Variants in DNAH5 observed in about 807,000 individuals in gnomAD.
DNAH5 encodes the protein dynein axonemal heavy chain 5, also known as axonemal beta dynein heavy chain 5.
A neutral mutation model predicts 518.2 loss-of-function variants in DNAH5; 372 were observed. The observed-to-expected ratio is 0.72, with a 90% CI of 0.66 to 0.78. The LOEUF (loss-of-function observed/expected upper bound fraction) is 0.78, where lower values mean the gene tolerates loss of function less well. Ranked by LOEUF, DNAH5 falls within the 30% of genes least tolerant of loss-of-function variation. The pLI, the probability that DNAH5 is intolerant of heterozygous loss-of-function variation, is 0.00. For missense variants in DNAH5, 5,523 were observed against 5,687.0 expected (o/e 0.97, Z 0.93); for synonymous variants, 2,039 against 2,025.9 (o/e 1.01, Z -0.17).
In DNAH5 at chr5:13,735,891, T is replaced by A. The variant is rs751208663; in HGVS notation, c.11497A>T (p.Met3833Leu). 5 of 1,614,114 alleles carry A rather than the reference T, an allele frequency of 3.1e-6. No individual in the cohort carries two copies. In the Admixed American group the frequency reaches 5.0e-5, roughly 16 times the overall value. The change falls in exon 67 of 79, where the codon ATG (methionine) becomes TTG (leucine). Residue 3833 changes from methionine (M) to leucine (L), a missense_variant. Around this residue, in one of 3 missense-constraint regions of DNAH5, gnomAD observed 5,121 missense variants for 5,223.3 expected, o/e 0.98. Coordinates refer to ENST00000265104, the MANE Select transcript of DNAH5 (RefSeq NM_001369.3). ...GSILYFLITE[M>L]RLVNEMYQTS... is the part of the protein sequence containing the mutation. ...TGATACATCTCATTAACCAAGCGCA[T>A]CTCAGTAATGAGGAAGTAGAGGATG...
chr5:13,792,194 A>T lies in DNAH5; in HGVS notation c.8248T>A (p.Cys2750Ser). The T allele has an allele frequency of 6.2e-7, 1 of 1,614,076 alleles. No homozygotes were observed. Among genetic ancestry groups the T allele is most frequent in the Non-Finnish European group, 8.5e-7 (1 of 1,179,938 alleles). ...TCTTCTGAGAAACCCCTCTGAGTAC[A>T]GTAGTGGCCTACCCCAATCACACCT... ...IFGVIGVGHY[C>S]TQRGFSEEVR... Residue 2750 changes from cysteine to serine, a missense_variant, in exon 50 of 79, where the codon TGT becomes AGT. Physicochemically the swap from Cys to Ser is moderately radical, Grantham distance 112 (BLOSUM62 -1). Coordinates refer to ENST00000265104, the MANE Select transcript of DNAH5 (RefSeq NM_001369.3).
At chr5:13,941,547 G>T (rs1180839576) in intron 1 of DNAH5, among the ~76,000 whole-genome samples, 1 of 152,316 alleles carries the variant, frequency 6.6e-6, no homozygotes, top group African/African-American at 2.4e-5. Flanking sequence ...GCCAGAGAAT[G>T]AGAAAACTGA....
In DNAH5 at chr5:13,902,010, C is replaced by T. The variant is rs200544414; in HGVS notation, c.1730+43G>A. On this transcript the variant is annotated intron_variant, in intron 13 of 78. Transcript: ENST00000265104. ...AGGAATAACAACAATAAAAGCTAAACTATCCCAATTTTAGAAAATAGACAA... is the reference window on the plus strand; with the variant it reads ...AGGAATAACAACAATAAAAGCTAAATTATCCCAATTTTAGAAAATAGACAA... 2.0e-5 allele frequency: 26 copies of T among 1,331,318 alleles called. No individual in the cohort carries two copies. The East Asian group carries it at 6.4e-4, about 33-fold the overall frequency. The allele number at this position is 1,331,318 out of a possible 1,614,324, so 82.5% of individuals were successfully genotyped here. A position where few individuals can be genotyped will look rare whatever the true frequency, so the allele number is the denominator to read the frequency against.
intron 65 of DNAH5, among the ~76,000 whole-genome samples, chr5:13,748,607 T>C (rs1183213408): frequency 6.6e-6 from 1 of 152,188 alleles, no homozygotes; most frequent in Non-Finnish European, 1.5e-5. Context: ...CCCTTGTAAG[T>C]TGGATTCCCA....
intron 23 of DNAH5, among the ~76,000 whole-genome samples, chr5:13,871,297 G>T (rs2151919698): frequency 6.6e-6 from 1 of 151,772 alleles, no homozygotes; most frequent in African/African-American, 2.4e-5. Context: ...TTAAACAAAG[G>T]GTAAATTTTA....
intron 1 of DNAH5, among the ~76,000 whole-genome samples, chr5:13,967,695 A>G (rs1338703426): frequency 2.0e-5 from 3 of 152,018 alleles, no homozygotes; most frequent in African/African-American, 7.2e-5. Context: ...TTGGTTCTAT[A>G]TGAATTTTAC....
chr5:13,773,462 G>A (rs1375612616), intron 55 of DNAH5, among the ~76,000 whole-genome samples: 1 of 152,126 alleles, frequency 6.6e-6, no homozygotes, highest in African/African-American at 2.4e-5. Flanking sequence ...AGAGGGAAAA[G>A]AGGTATATCC....
chr5:13,692,061 C>A lies in DNAH5; in HGVS notation c.13798G>T (p.Ala4600Ser), dbSNP rs774279588. 5 of 1,614,038 alleles carry A rather than the reference C, an allele frequency of 3.1e-6. No homozygotes were observed. The African/African-American group carries it at 4.0e-5, about 13-fold the overall frequency. Residue 4600 changes from alanine (A) to serine (S), a missense_variant, in exon 79 of 79, where the codon GCT (alanine) becomes TCT (serine). Physicochemically the swap from Ala to Ser is moderately conservative, Grantham distance 99. This residue lies in a region of DNAH5 where 387 missense variants were observed against 430.0 expected (regional missense o/e 0.90). Coordinates refer to ENST00000265104, the MANE Select transcript of DNAH5 (RefSeq NM_001369.3). ...PVRTDLNYIA[A>S]VDLRTAQTPE... The stretch of plus-strand genomic sequence containing the variant: ...GTCTGGGCTGTCCTGAGATCCACAG[C>A]GGCAATGTAGTTCAAGTCCGTTCGA...
At chr5:13,880,190 T>C (rs559282937) in intron 21 of DNAH5, among the ~76,000 whole-genome samples, 14 of 152,310 alleles carry the variant, frequency 9.2e-5, no homozygotes, top group African/African-American at 2.4e-4. Context: ...AAGAATACTA[T>C]ATCAAGCAAT....
intron 1 of DNAH5, among the ~76,000 whole-genome samples, chr5:13,965,957 C>T (rs1781494247): frequency 6.6e-6 from 1 of 152,090 alleles, no homozygotes; most frequent in Non-Finnish European, 1.5e-5. Flanking sequence ...TTGGTGCACC[C>T]ATCACCTGAA....
chr5:13,790,528 G>A (rs1756802022), intron 50 of DNAH5, among the ~76,000 whole-genome samples: 1 of 152,140 alleles, frequency 6.6e-6, no homozygotes, highest in Non-Finnish European at 1.5e-5. Flanking sequence ...ACATGTCAAG[G>A]GAGAGACCAC....
rs1170960857 is a variant in DNAH5 at position 13,793,701 on chromosome 5, T to C, written c.8038A>G (p.Met2680Val). 4.3e-6 allele frequency: 7 copies of C among 1,614,152 alleles called. No homozygotes were observed. The highest frequency in any genetic ancestry group is 5.9e-6 in the Non-Finnish European group (7 of 1,180,034). The change falls in exon 49 of 79, where the codon ATG becomes GTG. Residue 2680 changes from methionine to valine, a missense_variant. By Grantham distance (21) the Met-to-Val change is conservative. This residue lies in a region of DNAH5 where 5,121 missense variants were observed against 5,223.3 expected (regional missense o/e 0.98). Transcript: ENST00000265104. ...QVTNEIVRQL[M>V]EQNGFYNLEK... ...AGATTATAGAATCCATTTTGTTCCA[T>C]CAGCTGTCGCACTATCTCATTCGTA... is the stretch of plus-strand genomic sequence containing the variant.
chr5:13,990,623 T>C (rs1160904228), intron 1 of DNAH5, among the ~76,000 whole-genome samples: 1 of 151,982 alleles, frequency 6.6e-6, no homozygotes, highest in East Asian at 1.9e-4. Flanking sequence ...ATCCCAACAC[T>C]TTGGGAGGCC....
chr5:13,879,805 C>A (rs1190144812), intron 21 of DNAH5, among the ~76,000 whole-genome samples: 1 of 151,930 alleles, frequency 6.6e-6, no homozygotes, highest in African/African-American at 2.4e-5. Flanking sequence ...GATATCTTAA[C>A]AGACTTATGG....
At chr5:13,956,067 T>C (rs1780744835) in intron 1 of DNAH5, among the ~76,000 whole-genome samples, 1 of 152,116 alleles carries the variant, frequency 6.6e-6, no homozygotes, top group African/African-American at 2.4e-5. Flanking sequence ...CTAAATGCAC[T>C]TTCATAGGGT....
At chr5:14,009,665 T>A (rs1784983509) in intron 1 of DNAH5, among the ~76,000 whole-genome samples, 1 of 152,232 alleles carries the variant, frequency 6.6e-6, no homozygotes, top group African/African-American at 2.4e-5. Context: ...GACTGGGCCA[T>A]AGGTTTGTTT....
chr5:13,850,668 G>A lies in DNAH5; in HGVS notation c.5098C>T (p.Gln1700Ter). The change falls in exon 31 of 79, where the codon CAG (glutamine) becomes TAG (stop). Residue 1700 changes from glutamine (Q) to a stop codon, truncating the protein, a stop_gained. Transcript: ENST00000265104. LOFTEE classifies it high-confidence loss of function. Reference protein sequence around the residue: ...PHLLDQLEICQKSLTGYLEKK... With the variant: ...PHLLDQLEIC ...TGAACTTACCCAGTAAGGGATTTCT[G>A]GCATATTTCCAACTGGTCCAGCAAG... The A allele has an allele frequency of 6.2e-7, 1 of 1,613,978 alleles. No homozygotes were observed. Among genetic ancestry groups the A allele is most frequent in the Non-Finnish European group, 8.5e-7 (1 of 1,179,944 alleles).
At chr5:13,933,622 C>A (rs1199548615) in intron 1 of DNAH5, among the ~76,000 whole-genome samples, 1 of 151,976 alleles carries the variant, frequency 6.6e-6, no homozygotes, top group East Asian at 1.9e-4. Flanking sequence ...AAAACCCTGT[C>A]TCTACTAAAA....
intron 22 of DNAH5, among the ~76,000 whole-genome samples, chr5:13,873,467 C>A (rs74476667): frequency 0.02 from 3,079 of 152,088 alleles, 107 homozygotes; most frequent in African/African-American, 0.069. Context: ...TGCAACTTCT[C>A]AAAACAGGAC....
Sources: gnomAD v4.1 joint callset for allele counts (sites outside exome capture counted in the v4.1 genomes callset) on GRCh38, gnomAD v4.1.1 for gene constraint, gnomAD v4.1.1 regional missense constraint, MANE v1.5 for transcripts, NCBI Gene and HGNC (gene_info 2026-07-23, HGNC 2026-07-21) for gene names.